LARGE1: variants seen among roughly 807,000 people sequenced by gnomAD.
LARGE1 encodes the protein LARGE xylosyl- and glucuronyltransferase 1, also known as xylosyl- and glucuronyltransferase LARGE1.
LARGE1 carries 43 observed loss-of-function variants against 87.6 expected under a neutral mutation model. That is an observed-to-expected ratio of 0.49 (90% confidence interval 0.38 to 0.63). LARGE1 has a LOEUF of 0.63. Ranked by LOEUF, LARGE1 falls within the 30% of genes least tolerant of loss-of-function variation. The pLI, the probability that LARGE1 is intolerant of heterozygous loss-of-function variation, is 0.00. For missense variants in LARGE1, 802 were observed against 1,000.2 expected (o/e 0.80, Z 2.67); for synonymous variants, 434 against 394.6 (o/e 1.10, Z -1.18).
At chr22:33,498,781 C>T (rs1268922143) in intron 6 of LARGE1, among the ~76,000 whole-genome samples, 1 of 152,074 alleles carries the variant, frequency 6.6e-6, no homozygotes, top group Non-Finnish European at 1.5e-5. Flanking sequence ...ACCACCCTGG[C>T]TAACAGGGTG....
chr22:33,343,230 G>A (rs565507517), intron 9 of LARGE1, among the ~76,000 whole-genome samples: 2 of 152,174 alleles, frequency 1.3e-5, no homozygotes, highest in East Asian at 3.9e-4. Flanking sequence ...CCAGACTCAA[G>A]TGATCCTTCC....
chr22:33,508,104 C>G (rs148686821), intron 6 of LARGE1, among the ~76,000 whole-genome samples: 2 of 152,338 alleles, frequency 1.3e-5, no homozygotes, highest in African/African-American at 4.8e-5. Context: ...AAACATCTGC[C>G]AGCCTCAAAA....
intron 9 of LARGE1, among the ~76,000 whole-genome samples, chr22:33,373,526 G>C (rs754296723): frequency 2.0e-5 from 3 of 152,100 alleles, no homozygotes; most frequent in Non-Finnish European, 2.9e-5. Flanking sequence ...GCTATATCTT[G>C]CTGCATGTGA....
At chr22:33,430,859 T>C (rs560180617) in intron 7 of LARGE1, among the ~76,000 whole-genome samples, 2 of 152,212 alleles carry the variant, frequency 1.3e-5, no homozygotes, top group Non-Finnish European at 2.9e-5. Context: ...TTCTGGAGTC[T>C]GACCATCAGC....
chr22:33,143,123 G>A, the LARGE1 span, among the ~76,000 whole-genome samples: 2 of 152,118 alleles, frequency 1.3e-5, no homozygotes, highest in South Asian at 2.1e-4. Context: ...AGTCAGAGAT[G>A]GGTTCACAAG....
intron 1 of LARGE1, among the ~76,000 whole-genome samples, chr22:33,786,790 G>C (rs916535430): frequency 6.6e-6 from 1 of 152,204 alleles, no homozygotes; most frequent in African/African-American, 2.4e-5. Context: ...GGGAGGCCAA[G>C]GTGGGCGGAT....
In LARGE1 at chr22:33,363,921, C is replaced by T. The variant is rs941505837; in HGVS notation, c.1131+17998G>A. On this transcript the variant is annotated intron_variant, in intron 9 of 14. Coordinates refer to ENST00000397394, the MANE Select transcript of LARGE1 (RefSeq NM_133642.5). Reference sequence around the variant, plus strand: ...GATTCACCTCCCGGGTGGGACTGAGCGGGATGGTGAGACCCTCTGGGTCCT... The same window carrying T: ...GATTCACCTCCCGGGTGGGACTGAGTGGGATGGTGAGACCCTCTGGGTCCT... 4.7e-5 allele frequency among the ~76,000 whole-genome samples: 7 copies of T among 149,538 alleles called. 1 individual carries two copies. Among genetic ancestry groups the T allele is most frequent in the Admixed American group, 3.3e-4 (5 of 15,160 alleles).
At chr22:33,102,738 G>T in the LARGE1 span, among the ~76,000 whole-genome samples, 2 of 151,374 alleles carry the variant, frequency 1.3e-5, no homozygotes, top group Non-Finnish European at 2.9e-5. Context: ...TGACCCGTCC[G>T]CCTCGGCTTT....
intron 2 of LARGE1, chr22:33,725,560 AG>A (rs147874536): frequency 0.072 from 10,935 of 152,306 alleles, 574 homozygotes; most frequent in Middle Eastern, 0.13. Context: ...AAGGTCTGGG[AG>A]CATGCAGACA....
intron 1 of LARGE1, among the ~76,000 whole-genome samples, chr22:33,913,382 T>C (rs1222647191): frequency 1.3e-5 from 2 of 152,224 alleles, no homozygotes; most frequent in African/African-American, 2.4e-5. Context: ...ATAAGTAATC[T>C]GCCAAAAGTA....
At chr22:33,160,929 G>A (rs1422669647), downstream of LARGE1, among the ~76,000 whole-genome samples, 2 of 152,194 alleles carry the variant, frequency 1.3e-5, no homozygotes, top group African/African-American at 4.8e-5. Context: ...GTCTGACATT[G>A]GAAAACATGT....
intron 11 of LARGE1, among the ~76,000 whole-genome samples, chr22:33,211,696 C>G (rs944117703): frequency 6.6e-6 from 1 of 152,108 alleles, no homozygotes; most frequent in Non-Finnish European, 1.5e-5. Context: ...TTGCTTGAAC[C>G]CCAGAGACGG....
In LARGE1 at chr22:33,324,391, G is replaced by A. The variant is rs542670039; in HGVS notation, c.1288-8143C>T. 2.1e-4 allele frequency among the ~76,000 whole-genome samples: 31 copies of A among 150,786 alleles called. No individual in the cohort carries two copies. In the South Asian group the frequency reaches 5.5e-3, roughly 27 times the overall value. ...AATTTCTCTGGGGAGCCATGGAGCC[G>A]GAGGGAGTATTTCATTAACAGGGTC... On this transcript the variant is annotated intron_variant, in intron 10 of 14. Transcript: ENST00000397394.
At chr22:33,770,575 C>G (rs2085035734) in intron 1 of LARGE1, among the ~76,000 whole-genome samples, 2 of 152,092 alleles carry the variant, frequency 1.3e-5, no homozygotes, top group Non-Finnish European at 2.9e-5. Flanking sequence ...GTCACAGCTA[C>G]TCCGGAGGCT....
intron 1 of LARGE1, among the ~76,000 whole-genome samples, chr22:33,841,877 T>C (rs940129252): frequency 4.6e-5 from 7 of 152,190 alleles, no homozygotes; most frequent in Non-Finnish European, 8.8e-5. Context: ...TCAGGACTCA[T>C]GCACAAATCT....
intron 2 of LARGE1, among the ~76,000 whole-genome samples, chr22:33,664,274 C>T (rs559223074): frequency 1.5e-4 from 23 of 152,356 alleles, no homozygotes; most frequent in African/African-American, 5.5e-4. Flanking sequence ...TTTCCACCTC[C>T]AAAACCTTCT....
At chr22:33,399,391 G>A (rs1383867500) in intron 7 of LARGE1, among the ~76,000 whole-genome samples, 1 of 152,156 alleles carries the variant, frequency 6.6e-6, no homozygotes, top group African/African-American at 2.4e-5. Flanking sequence ...GTCATTGATG[G>A]GCATTTGGGT....
At chr22:33,861,860 CTTTT>C (rs59657748) in intron 1 of LARGE1, among the ~76,000 whole-genome samples, 94 of 117,192 alleles carry the variant, frequency 8.0e-4, no homozygotes, top group South Asian at 8.7e-4. Context: ...CCCAGACATT[CTTTT>C]TTTTTTTTTT....
chr22:33,516,666 GC>G (rs1320005388), intron 6 of LARGE1, among the ~76,000 whole-genome samples: 3 of 68 alleles, frequency 0.044, no homozygotes, highest in South Asian at 0.5. Flanking sequence ...TCCGCTCACT[GC>G]AAACTTCCGC....
Sources: gnomAD v4.1 joint callset for allele counts (sites outside exome capture counted in the v4.1 genomes callset) on GRCh38, gnomAD v4.1.1 for gene constraint, MANE v1.5 for transcripts, NCBI Gene and HGNC (gene_info 2026-07-23, HGNC 2026-07-21) for gene names.